The following BCAR3 variants were observed in gnomAD, a reference collection of about 807,000 sequenced individuals.
BCAR3 encodes BCAR3 adaptor protein, NSP family member.
A neutral mutation model predicts 80.1 loss-of-function variants in BCAR3; 37 were observed. The observed-to-expected ratio is 0.46, with a 90% CI of 0.36 to 0.61. The LOEUF is 0.61. BCAR3 is among the 20% of genes least tolerant of loss of function. BCAR3 has a pLI of 0.00. For missense variants in BCAR3, 978 were observed against 1,068.2 expected (o/e 0.92, Z 1.18); for synonymous variants, 389 against 418.9 (o/e 0.93, Z 0.87).
chr1:93,821,227 C>T (rs1654209642), intron 2 of BCAR3, among the ~76,000 whole-genome samples: 1 of 152,160 alleles, frequency 6.6e-6, no homozygotes, highest in Admixed American at 6.5e-5. Flanking sequence ...GAGACTCCCT[C>T]AGGGATCCTT....
chr1:93,685,967 T>C (rs537990638), upstream of BCAR3, among the ~76,000 whole-genome samples: 57 of 152,342 alleles, frequency 3.7e-4, no homozygotes, highest in African/African-American at 1.3e-3. Context: ...GTAGGTCTTT[T>C]TCTTACCAAT....
chr1:93,581,633 C>G (rs1315583522), intron 7 of BCAR3, among the ~76,000 whole-genome samples: 1 of 152,112 alleles, frequency 6.6e-6, no homozygotes, highest in African/African-American at 2.4e-5. Flanking sequence ...GTCTTGAACT[C>G]CTGACCTCAG....
intron 2 of BCAR3, among the ~76,000 whole-genome samples, chr1:93,671,842 G>T (rs1435662387): frequency 6.6e-6 from 1 of 151,906 alleles, no homozygotes; most frequent in Middle Eastern, 3.2e-3. Flanking sequence ...AGAATATAAG[G>T]TATTTTGTAC....
chr1:93,606,978 C>T (rs1263129904), intron 3 of BCAR3, among the ~76,000 whole-genome samples: 4 of 152,066 alleles, frequency 2.6e-5, no homozygotes. Context: ...TCACTGGTGG[C>T]ATAAAAGGGG....
chr1:93,657,730 A>G (rs1647454262), intron 2 of BCAR3, among the ~76,000 whole-genome samples: 1 of 136,464 alleles, frequency 7.3e-6, no homozygotes, highest in African/African-American at 2.9e-5. Context: ...ATGGCCCACA[A>G]AAAAAAAAAA....
chr1:93,650,068 T>C lies in BCAR3; in HGVS notation c.318-7725A>G, dbSNP rs1571007005. The stretch of plus-strand genomic sequence containing the variant: ...AATCAAGAAAAAAAAAAAAGAAGCC[T>C]AGGAGGGTGCGATGGCTCACACCTG... On this transcript the variant is annotated intron_variant, in intron 2 of 11. Transcript: ENST00000260502. Among the ~76,000 whole-genome samples the C allele has an allele frequency of 1.0e-4, 15 of 148,848 alleles. No homozygotes were observed. In the South Asian group the frequency reaches 3.0e-3, roughly 30 times the overall value.
chr1:93,587,703 A>C (rs1166123283), intron 5 of BCAR3, among the ~76,000 whole-genome samples: 6 of 149,150 alleles, frequency 4.0e-5, no homozygotes, highest in African/African-American at 1.5e-4. Context: ...CCCCCCGCCA[A>C]AAAAAAAAAC....
intron 2 of BCAR3, among the ~76,000 whole-genome samples, chr1:93,737,890 T>C (rs1261356196): frequency 6.6e-6 from 1 of 152,210 alleles, no homozygotes; most frequent in African/African-American, 2.4e-5. Flanking sequence ...TAGAGTGCAG[T>C]GATGTGATCA....
chr1:93,811,191 C>T (rs1189651219), intron 2 of BCAR3, among the ~76,000 whole-genome samples: 3 of 152,008 alleles, frequency 2.0e-5, no homozygotes, highest in African/African-American at 4.8e-5. Context: ...CTGCAGCAGA[C>T]TGGCCAGTGC....
At chr1:93,749,122 G>T (rs1394423550) in intron 2 of BCAR3, among the ~76,000 whole-genome samples, 5 of 150,328 alleles carry the variant, frequency 3.3e-5, no homozygotes. Flanking sequence ...ATGTGTGTGG[G>T]CCCCCACACA....
Position 93,589,356 on chromosome 1 carries a change from C to T in BCAR3, c.550G>A (p.Gly184Arg), listed in dbSNP as rs1205479873. 6.2e-7 allele frequency: 1 copy of T among 1,614,042 alleles called. No individual in the cohort carries two copies. Among genetic ancestry groups the T allele is most frequent in the South Asian group, 1.1e-5 (1 of 91,056 alleles). ...CACTGACAGGTCAGGACAAAGTTCC[C>T]AGGGCTGGACAGAGAGTCACGAACT... ...FLVRDSLSSP[G>R]NFVLTCQWKN... is the part of the protein sequence containing the mutation. Residue 184 changes from glycine (G) to arginine (R), a missense_variant, in exon 5 of 12, where the codon GGG becomes AGG. Physicochemically the swap from Gly to Arg is moderately radical, Grantham distance 125. Coordinates refer to ENST00000260502, the MANE Select transcript of BCAR3 (RefSeq NM_003567.4).
intron 5 of BCAR3, among the ~76,000 whole-genome samples, chr1:93,588,384 T>C (rs1434267931): frequency 6.6e-6 from 1 of 152,130 alleles, no homozygotes; most frequent in African/African-American, 2.4e-5. Context: ...CATGACTCAC[T>C]AACTGGGTTT....
chr1:93,640,740 A>G (rs2101908034), intron 3 of BCAR3, among the ~76,000 whole-genome samples: 1 of 152,342 alleles, frequency 6.6e-6, no homozygotes, highest in Middle Eastern at 3.4e-3. Flanking sequence ...AAAATCCTCT[A>G]TATTTAGCTT....
At chr1:93,776,580 A>C (rs1286708759) in intron 2 of BCAR3, among the ~76,000 whole-genome samples, 1 of 152,196 alleles carries the variant, frequency 6.6e-6, no homozygotes, top group African/African-American at 2.4e-5. Context: ...TAATTTACAG[A>C]GCTCTCTCCT....
At chr1:93,637,194 G>A (rs1043490107) in intron 3 of BCAR3, among the ~76,000 whole-genome samples, 59 of 151,028 alleles carry the variant, frequency 3.9e-4, no homozygotes, top group Non-Finnish European at 1.8e-4. Context: ...TTTTTGAGAC[G>A]AGTCTTGCTC....
intron 3 of BCAR3, among the ~76,000 whole-genome samples, chr1:93,700,373 G>T (rs1649595148): frequency 6.6e-6 from 1 of 151,978 alleles, no homozygotes; most frequent in African/African-American, 2.4e-5. Context: ...TTATAATTTT[G>T]TAGAGATAGT....
Position 93,639,560 on chromosome 1 carries a change from T to G in BCAR3, c.357+2744A>C, listed in dbSNP as rs574816212. Among the ~76,000 whole-genome samples the G allele has an allele frequency of 3.4e-5, 5 of 146,642 alleles. No individual in the cohort carries two copies. The East Asian group carries it at 1.0e-3, about 30-fold the overall frequency. On this transcript the variant is annotated intron_variant, in intron 3 of 11. Transcript: ENST00000260502. The stretch of plus-strand genomic sequence containing the variant: ...CGTGCGACTTCAGCTCACTGCAACC[T>G]CCGCCTCCCAGGTTCAAGCAATTCT...
intron 2 of BCAR3, among the ~76,000 whole-genome samples, chr1:93,801,043 A>G (rs1653460186): frequency 6.6e-6 from 1 of 152,214 alleles, no homozygotes. Context: ...CCCGCAGAGT[A>G]TTGCAAAAGA....
At chr1:93,755,251 GAAGA>G (rs1651702785) in intron 2 of BCAR3, among the ~76,000 whole-genome samples, 1 of 152,078 alleles carries the variant, frequency 6.6e-6, no homozygotes, top group Admixed American at 6.5e-5. Context: ...ATGTATTATT[GAAGA>G]AAGAAAAATA....
Sources: allele counts gnomAD v4.1 joint callset (sites outside exome capture counted in the v4.1 genomes callset), GRCh38; gene constraint gnomAD v4.1.1; transcripts MANE v1.5; gene names NCBI Gene and HGNC (gene_info 2026-07-23, HGNC 2026-07-21).